The following VIL1 variants were observed in gnomAD, a reference collection of about 807,000 sequenced individuals.
VIL1 encodes the protein villin 1.
In VIL1, 86 loss-of-function variants were observed where a neutral mutation model predicts 104.0. The ratio of observed to expected loss-of-function variants is 0.83; its 90% confidence interval spans 0.69 to 0.99. The LOEUF (loss-of-function observed/expected upper bound fraction) is 0.99, where lower values mean the gene tolerates loss of function less well. VIL1 is among the 50% of genes least tolerant of loss of function. VIL1 has a pLI of 0.00. For missense variants in VIL1, 944 were observed against 1,054.1 expected, an observed-to-expected ratio of 0.90 and a Z score of 1.45; for synonymous variants, 394 against 412.6, an observed-to-expected ratio of 0.95 and a Z score of 0.55.
chr2:218,430,768 A>G lies in VIL1; in HGVS notation c.992A>G (p.Glu331Gly). 1 of 1,612,436 alleles carries G rather than the reference A, an allele frequency of 6.2e-7. No homozygotes were observed. The highest frequency in any genetic ancestry group is 8.5e-7 in the Non-Finnish European group (1 of 1,179,192). Residue 331 changes from glutamate (E) to glycine (G), a missense_variant, in exon 10 of 20, where the codon GAG becomes GGG. Glu to Gly is a moderately conservative substitution (Grantham distance 98). Transcript: ENST00000248444. ...CAGTACCCACCAAGCACACAGGTGG[A>G]GGTGCAGAATGATGGGGCTGAGTCG... ...AKQYPPSTQV[E>G]VQNDGAESAV...
rs548504259 is a variant in VIL1, at chr2:218,429,435, G to A, written c.718G>A (p.Val240Met). 20 of 1,614,024 alleles carry A rather than the reference G, an allele frequency of 1.2e-5. No homozygotes were observed. The East Asian group carries it at 2.5e-4, about 20-fold the overall frequency. ...LGKRRELKAA[V>M]PDTVVEPALK... ...CAAGCGCAGGGAGCTGAAGGCGGCC[G>A]TGCCCGACACGGTGGTGGAGCCGGC... The change falls in exon 7 of 20, where the codon GTG becomes ATG. Residue 240 changes from valine (V) to methionine (M), a missense_variant. Transcript: ENST00000248444.
At chr2:218,440,895 TCCATTTGTTGGACCA>T (rs1217133095) in intron 19 of VIL1, 33 bp downstream of exon 19, 1 of 1,611,820 alleles carries the variant, frequency 6.2e-7, no homozygotes. Context: ...GACAAAGAAG[TCCATTTGTTGGACCA>T]CCATAGTTGA....
chr2:218,423,994 T>A, intron 2 of VIL1, 141 bp downstream of exon 2: 1 of 911,118 alleles, frequency 1.1e-6, no homozygotes, highest in Non-Finnish European at 1.7e-6. Flanking sequence ...ACCTCCCGCA[T>A]CATCCACACC....
rs1196787645 is a variant in VIL1 at position 218,450,658 on chromosome 2, C to T, written c.*1322C>T. ...CCCACATGTGGTCTCACTCTTCACA[C>T]AGGCCCACTATTTTTGAAGTAGACC... On this transcript the variant is annotated 3_prime_UTR_variant, in exon 20 of 20. Transcript: ENST00000248444. 2 of 152,472 alleles carry T rather than the reference C, an allele frequency of 1.3e-5. No individual in the cohort carries two copies. Among genetic ancestry groups the T allele is most frequent in the Non-Finnish European group, 2.9e-5 (2 of 68,050 alleles). 9.4% of individuals were successfully genotyped at this position (152,472 alleles called of 1,614,324 possible). A position where few individuals can be genotyped will look rare whatever the true frequency, so the allele number is the denominator to read the frequency against.
rs759270222 is a variant in VIL1, at chr2:218,425,752, C to G, written c.288C>G (p.His96Gln). The change falls in exon 4 of 20, where the codon CAC (histidine) becomes CAG (glutamine). Residue 96 changes from histidine to glutamine, a missense_variant. Coordinates refer to ENST00000248444, the MANE Select transcript of VIL1 (RefSeq NM_007127.3). The stretch of plus-strand genomic sequence containing the variant: ...TCCTGAAGGGCCGGGCTGTGCAGCA[C>G]CGCGAGGTCCAGGGCAACGAGAGCG... ...DDFLKGRAVQ[H>Q]REVQGNESEA... 1.9e-6 allele frequency: 3 copies of G among 1,614,124 alleles called. No homozygotes were observed. The East Asian group carries it at 6.7e-5, about 36-fold the overall frequency.
rs1291236825 is a variant in VIL1 at position 218,429,268 on chromosome 2, C to G, written c.568-17C>G. On this transcript the variant is annotated splice_polypyrimidine_tract_variant and intron_variant, in intron 6 of 19. Transcript: ENST00000248444. Reference sequence around the variant, plus strand: ...TCCCCGACTACTCCCGATGGGTCACCAGGGGCCTTCCTGCAGGGCATGACT... The same window carrying G: ...TCCCCGACTACTCCCGATGGGTCACGAGGGGCCTTCCTGCAGGGCATGACT... 1.9e-6 allele frequency: 3 copies of G among 1,604,026 alleles called. No individual in the cohort carries two copies. The African/African-American group carries it at 4.0e-5, about 21-fold the overall frequency.
intron 19 of VIL1, among the ~76,000 whole-genome samples, chr2:218,448,970 A>G (rs757437893): frequency 2.7e-5 from 4 of 150,368 alleles, no homozygotes; most frequent in Non-Finnish European, 4.4e-5. Context: ...ATGCCACTAC[A>G]CTCCAGCCTG....
intron 6 of VIL1, 32 bp downstream of exon 6, chr2:218,428,369 C>T (rs532390044): frequency 6.9e-6 from 11 of 1,587,130 alleles, no homozygotes; most frequent in South Asian, 3.3e-5. Context: ...ACCTCCCTCT[C>T]GAATCCTAGA....
Position 218,451,637 on chromosome 2 carries a change from G to A in VIL1, c.*2301G>A, listed in dbSNP as rs2106400243. 1 of 152,116 alleles carries A rather than the reference G, an allele frequency of 6.6e-6. No individual in the cohort carries two copies. Among genetic ancestry groups the A allele is most frequent in the Middle Eastern group, 3.4e-3 (1 of 294 alleles). 9.4% of individuals were successfully genotyped at this position (152,116 alleles called of 1,614,324 possible). A position where few individuals can be genotyped will look rare whatever the true frequency, so the allele number is the denominator to read the frequency against. On this transcript the variant is annotated 3_prime_UTR_variant, in exon 20 of 20. Transcript: ENST00000248444. Reference sequence around the variant, plus strand: ...AACTACACACGATACAGAAGAATCAGTAAATTCATGGATTATTTTGCTGAG... The same window carrying A: ...AACTACACACGATACAGAAGAATCAATAAATTCATGGATTATTTTGCTGAG...
At chr2:218,444,492 A>C (rs1162418339) in intron 19 of VIL1, among the ~76,000 whole-genome samples, 2 of 151,220 alleles carry the variant, frequency 1.3e-5, no homozygotes, top group Non-Finnish European at 2.9e-5. Context: ...GTTAGCCAGG[A>C]TGGTCTCGAT....
chr2:218,441,762 C>T (rs879277164), intron 19 of VIL1, among the ~76,000 whole-genome samples: 2 of 151,920 alleles, frequency 1.3e-5, no homozygotes, highest in African/African-American at 4.8e-5. Flanking sequence ...CCGAGGAATG[C>T]GGATCACCTG....
At chr2:218,432,747 T>G (rs780296342) in intron 12 of VIL1, 46 bp from the exon 13 acceptor site, 7 of 1,609,774 alleles carry the variant, frequency 4.3e-6, no homozygotes, top group Non-Finnish European at 5.9e-6. Flanking sequence ...GGGGTCAGAA[T>G]TGGGGGCTGA....
intron 19 of VIL1, among the ~76,000 whole-genome samples, chr2:218,447,019 C>T (rs1043975135): frequency 6.6e-6 from 1 of 152,204 alleles, no homozygotes; most frequent in Non-Finnish European, 1.5e-5. Flanking sequence ...TCGCCTTGGC[C>T]TCCCAAAGTG....
chr2:218,440,788 A>G lies in VIL1; in HGVS notation c.2296A>G (p.Ile766Val), dbSNP rs780876233. 8.1e-6 allele frequency: 13 copies of G among 1,614,020 alleles called. No individual in the cohort carries two copies. The African/African-American group carries it at 1.1e-4, about 13-fold the overall frequency. ...NSNLSSGPLP[I>V]FPLEQLVNKP... ...CAACCTCAGTTCTGGGCCTCTGCCCATCTTCCCCCTGGAGCAGCTAGTGAA... is the reference window on the plus strand; with the variant it reads ...CAACCTCAGTTCTGGGCCTCTGCCCGTCTTCCCCCTGGAGCAGCTAGTGAA... Residue 766 changes from isoleucine (I) to valine (V), a missense_variant, in exon 19 of 20, where the codon ATC becomes GTC. Physicochemically the swap from Ile to Val is conservative, Grantham distance 29 (BLOSUM62 3). Coordinates refer to ENST00000248444, the MANE Select transcript of VIL1 (RefSeq NM_007127.3).
chr2:218,430,551 G>C (rs1412650001), intron 9 of VIL1, among the ~76,000 whole-genome samples, 174 bp from the exon 10 acceptor site: 4 of 152,108 alleles, frequency 2.6e-5, no homozygotes, highest in African/African-American at 4.8e-5. Context: ...CCTTGAGGCT[G>C]GGGTCAGAGT....
Position 218,437,329 on chromosome 2 carries a change from C to A in VIL1, c.2160+17C>A, listed in dbSNP as rs1360232974. The A allele has an allele frequency of 1.9e-6, 3 of 1,609,904 alleles. No homozygotes were observed. The African/African-American group carries it at 4.0e-5, about 22-fold the overall frequency. On this transcript the variant is annotated intron_variant, in intron 17 of 19. Transcript: ENST00000248444. ...AAGTGGAGTGTGAGTGGCCTCATCC[C>A]AGCATGTCCTTCTCTAGCCCTGCCT...
In VIL1 at chr2:218,432,382, C is replaced by T. The variant is rs550484253; in HGVS notation, c.1341+199C>T. On this transcript the variant is annotated intron_variant, in intron 12 of 19. Transcript: ENST00000248444. Reference sequence around the variant, plus strand: ...TTTTCCTTTTGGTTCTCTGAGTCTCCCTTCCAATTTTCATTGCCTTCTGCA... The same window carrying T: ...TTTTCCTTTTGGTTCTCTGAGTCTCTCTTCCAATTTTCATTGCCTTCTGCA... 2.0e-3 allele frequency: 1,717 copies of T among 878,062 alleles called. 4 individuals are homozygous for T. The highest frequency in any genetic ancestry group is 2.7e-3 in the Non-Finnish European group (1,469 of 550,570). 54.4% of individuals were successfully genotyped at this position (878,062 alleles called of 1,614,324 possible). A position where few individuals can be genotyped will look rare whatever the true frequency, so the allele number is the denominator to read the frequency against.
rs149645902 is a variant in VIL1 at position 218,434,667 on chromosome 2, C to T, written c.1642C>T (p.Leu548Phe). Residue 548 changes from leucine (L) to phenylalanine (F), a missense_variant, in exon 14 of 20, where the codon CTC (leucine) becomes TTC (phenylalanine). By Grantham distance (22) the Leu-to-Phe change is conservative. Coordinates refer to ENST00000248444, the MANE Select transcript of VIL1 (RefSeq NM_007127.3). ...NFLNSNDVFV[L>F]KTQSCCYLWC... ...CCTCAATTCCAATGATGTCTTTGTC[C>T]TCAAGACCCAGTCTTGCTGCTATCT... The T allele has an allele frequency of 9.9e-6, 16 of 1,613,980 alleles. No homozygotes were observed. In the African/African-American group the frequency reaches 1.6e-4, roughly 16 times the overall value.
At chr2:218,443,754 A>C (rs1265591703) in intron 19 of VIL1, among the ~76,000 whole-genome samples, 2 of 151,974 alleles carry the variant, frequency 1.3e-5, no homozygotes, top group Admixed American at 6.6e-5. Flanking sequence ...TCCCGAGTTC[A>C]AGCAATTCTG....
Sources: gnomAD v4.1 joint callset for allele counts (sites outside exome capture counted in the v4.1 genomes callset) on GRCh38, gnomAD v4.1.1 for gene constraint, MANE v1.5 for transcripts, NCBI Gene and HGNC (gene_info 2026-07-23, HGNC 2026-07-21) for gene names.